The following RICTOR variants were observed in gnomAD, a reference collection of about 807,000 sequenced individuals.
The protein encoded by RICTOR is rapamycin-insensitive companion of mTOR.
Under a neutral mutation model 214.9 loss-of-function variants are expected in RICTOR, and 49 were observed. The ratio of observed to expected loss-of-function variants is 0.23; its 90% CI spans 0.18 to 0.29. RICTOR has a LOEUF of 0.29. Among genes scored for constraint, RICTOR ranks in the 10% least tolerant of loss-of-function variants. RICTOR has a pLI of 1.00. For synonymous variants in RICTOR, 717 were observed against 711.3 expected (o/e 1.01, Z -0.13); for missense variants, 1,625 against 2,047.0 (o/e 0.79, Z 3.98).
intron 2 of RICTOR, among the ~76,000 whole-genome samples, chr5:39,030,526 C>A (rs775154082): frequency 3.3e-5 from 5 of 152,104 alleles, no homozygotes; most frequent in Non-Finnish European, 7.4e-5. Context: ...ATGTCATTTA[C>A]TCTAGAGCGT....
intron 2 of RICTOR, among the ~76,000 whole-genome samples, chr5:39,046,092 G>A (rs531354638): frequency 1.2e-4 from 18 of 150,282 alleles, no homozygotes; most frequent in Admixed American, 3.3e-4. Flanking sequence ...GCTCATGCAC[G>A]TAATCCCAAA....
chr5:38,968,084 T>G, intron 11 of RICTOR, 54 bp from the exon 12 acceptor site: 1 of 977,308 alleles, frequency 1.0e-6, no homozygotes, highest in Non-Finnish European at 1.7e-6. Context: ...CTTTTAAGAT[T>G]TTTAAATGTC....
chr5:39,051,776 G>C (rs1285788286), intron 2 of RICTOR, among the ~76,000 whole-genome samples: 1 of 151,536 alleles, frequency 6.6e-6, no homozygotes, highest in Non-Finnish European at 1.5e-5. Flanking sequence ...TGTGATTTTT[G>C]ATTTTCCCTT....
chr5:38,950,804 T>C (rs2112860214), intron 30 of RICTOR, 84 bp from the exon 31 acceptor site: 1 of 1,132,336 alleles, frequency 8.8e-7, no homozygotes, highest in South Asian at 2.0e-5. Context: ...TTTCAGGAAA[T>C]TTTTTTTTAG....
Position 38,950,256 on chromosome 5 carries a change from T to C in RICTOR, c.3592A>G (p.Thr1198Ala), listed in dbSNP as rs776195419. 7 of 1,613,530 alleles carry C rather than the reference T, an allele frequency of 4.3e-6. No individual in the cohort carries two copies. In the East Asian group the frequency reaches 1.6e-4, roughly 36 times the overall value. The change falls in exon 31 of 38, where the codon ACA (threonine) becomes GCA (alanine). Residue 1198 changes from threonine (T) to alanine (A), a missense_variant. By Grantham distance (58) the Thr-to-Ala change is moderately conservative (BLOSUM62 0). This residue lies in a region of RICTOR where 1,214 missense variants were observed against 1,470.5 expected (regional missense o/e 0.83). Transcript: ENST00000357387. ...NFGTENHRENTSRERLVVESS... is the reference protein window; with the variant it reads ...NFGTENHRENASRERLVVESS... ...TCTACTACTAACCTCTCTCGGCTTG[T>C]ATTTTCTCTGTGATTCTCTGTACCA...
In RICTOR at chr5:39,016,209, A is replaced by C. The variant is rs556802664; in HGVS notation, c.195+4830T>G. Among the ~76,000 whole-genome samples, 3 of 152,242 alleles carry C rather than the reference A, an allele frequency of 2.0e-5. No individual in the cohort carries two copies. In the East Asian group the frequency reaches 5.8e-4, roughly 29 times the overall value. Reference sequence around the variant, plus strand: ...ATATATGAAAATCATTTTAAAAAGGATATGGTAAAACAAAAAACAAACAAG... The same window carrying C: ...ATATATGAAAATCATTTTAAAAAGGCTATGGTAAAACAAAAAACAAACAAG... On this transcript the variant is annotated intron_variant, in intron 3 of 37. Coordinates refer to ENST00000357387, the MANE Select transcript of RICTOR (RefSeq NM_152756.5).
chr5:39,032,014 T>C (rs1290757509), intron 2 of RICTOR, among the ~76,000 whole-genome samples: 1 of 152,196 alleles, frequency 6.6e-6, no homozygotes, highest in African/African-American at 2.4e-5. Context: ...ATTCTAACAA[T>C]TATTAATTTC....
At chr5:39,072,384 T>A (rs1759382921) in intron 2 of RICTOR, among the ~76,000 whole-genome samples, 1 of 152,176 alleles carries the variant, frequency 6.6e-6, no homozygotes, top group Non-Finnish European at 1.5e-5. Context: ...CAACTCAACA[T>A]TTTTGACACC....
rs193280687 is a variant in RICTOR at position 39,034,827 on chromosome 5, C to T, written c.98-13691G>A. Among the ~76,000 whole-genome samples the T allele has an allele frequency of 1.6e-3, 240 of 152,350 alleles. 1 individual carries two copies. The highest frequency in any genetic ancestry group is 5.3e-3 in the African/African-American group (220 of 41,588). On this transcript the variant is annotated intron_variant, in intron 2 of 37. Transcript: ENST00000357387. ...AAACAAAGCAGCCCAGAAGCTCGAA[C>T]TGGGTGGAGCCCACCGCAGCTCAAG...
intron 29 of RICTOR, 92 bp downstream of exon 29, chr5:38,952,893 G>A (rs1463673352): frequency 1.4e-6 from 1 of 701,932 alleles, no homozygotes; most frequent in East Asian, 2.6e-5. Flanking sequence ...TAACAGTTAT[G>A]CATTGCACTT....
rs1414058943 is a variant in RICTOR, at chr5:38,947,246, T to C, written c.4314+18A>G. 3.2e-6 allele frequency: 5 copies of C among 1,571,464 alleles called. No homozygotes were observed. Among genetic ancestry groups the C allele is most frequent in the African/African-American group, 1.4e-5 (1 of 73,116 alleles). The stretch of plus-strand genomic sequence containing the variant: ...AGGAAACCAACTCATAGGAAAACAA[T>C]AAAATGTATGATAATACCTGGAATA... On this transcript the variant is annotated intron_variant, in intron 32 of 37. Transcript: ENST00000357387.
Position 38,940,735 on chromosome 5 carries a change from A to AT in RICTOR, c.*1568dup, listed in dbSNP as rs1420716385. The AT allele has an allele frequency of 8.6e-6, 2 of 232,536 alleles. No homozygotes were observed. Among genetic ancestry groups the AT allele is most frequent in the Non-Finnish European group, 1.7e-5 (2 of 117,472 alleles). The allele number at this position is 232,536 out of a possible 1,614,324, so 14.4% of individuals were successfully genotyped here. ...GTTATGAAGTGAGATGAAATGCTTC[A>AT]TCCCAACTGGAACTTTCAGTTCCAG... On this transcript the variant is annotated 3_prime_UTR_variant, in exon 38 of 38. Coordinates refer to ENST00000357387, the MANE Select transcript of RICTOR (RefSeq NM_152756.5).
At chr5:38,948,796 A>G (rs763870283) in intron 31 of RICTOR, among the ~76,000 whole-genome samples, 1 of 152,052 alleles carries the variant, frequency 6.6e-6, no homozygotes, top group African/African-American at 2.4e-5. Context: ...AGGGTACACA[A>G]TTCATTGTCT....
intron 3 of RICTOR, among the ~76,000 whole-genome samples, chr5:39,010,660 A>G (rs533911414): frequency 6.6e-6 from 1 of 152,348 alleles, no homozygotes; most frequent in South Asian, 2.1e-4. Flanking sequence ...GAACTGGAAT[A>G]AAGGTGATAC....
At chr5:38,992,376 C>A (rs1051870125) in intron 6 of RICTOR, among the ~76,000 whole-genome samples, 12 of 152,068 alleles carry the variant, frequency 7.9e-5, no homozygotes, top group Admixed American at 5.9e-4. Context: ...TATTATTATT[C>A]TTATAAGGAG....
chr5:39,036,671 T>C (rs1437571607), intron 2 of RICTOR, among the ~76,000 whole-genome samples: 3 of 152,090 alleles, frequency 2.0e-5, no homozygotes, highest in African/African-American at 7.2e-5. Context: ...GCAATCCTAG[T>C]CTCTGATAAA....
intron 9 of RICTOR, 83 bp downstream of exon 9, chr5:38,978,500 G>A: frequency 1.7e-6 from 1 of 577,678 alleles, no homozygotes. Context: ...TTCTCTGGCT[G>A]TACATGGAAT....
At chr5:39,063,671 T>A (rs905838279) in intron 2 of RICTOR, among the ~76,000 whole-genome samples, 6 of 152,116 alleles carry the variant, frequency 3.9e-5, no homozygotes, top group Admixed American at 2.6e-4. Flanking sequence ...TAGAGCTATA[T>A]CCCAACAGAA....
chr5:38,993,450 A>C (rs999180293), intron 6 of RICTOR, among the ~76,000 whole-genome samples: 1 of 152,066 alleles, frequency 6.6e-6, no homozygotes, highest in African/African-American at 2.4e-5. Context: ...AGCTGCCTGC[A>C]TTGGAAGGGG....
Sources: allele counts gnomAD v4.1 joint callset (sites outside exome capture counted in the v4.1 genomes callset), GRCh38; gene constraint gnomAD v4.1.1; regional missense constraint gnomAD v4.1.1; transcripts MANE v1.5; gene names NCBI Gene and HGNC (gene_info 2026-07-23, HGNC 2026-07-21).